The following PIK3AP1 variants were observed in gnomAD, a reference collection of about 807,000 sequenced individuals.
The protein encoded by PIK3AP1 is phosphoinositide-3-kinase adaptor protein 1, also known as phosphoinositide 3-kinase adapter protein 1.
In PIK3AP1, 21 loss-of-function variants were observed where a neutral mutation model predicts 88.1. That is an observed-to-expected ratio of 0.24 (90% CI 0.17 to 0.34). PIK3AP1 has a LOEUF of 0.34. PIK3AP1 is among the 10% of genes least tolerant of loss of function. The pLI, the probability that PIK3AP1 is intolerant of heterozygous loss-of-function variation, is 1.00. For synonymous variants in PIK3AP1, 398 were observed against 400.0 expected (o/e 1.00, Z 0.06); for missense variants, 828 against 1,035.7 (o/e 0.80, Z 2.75).
chr10:96,612,988 T>A (rs879399326), intron 13 of PIK3AP1, among the ~76,000 whole-genome samples: 17 of 36,118 alleles, frequency 4.7e-4, no homozygotes, highest in African/African-American at 1.8e-3. Flanking sequence ...ATATATTTTT[T>A]TTTTTTTTTT....
chr10:96,654,826 A>G (rs976112704), intron 3 of PIK3AP1, among the ~76,000 whole-genome samples: 27 of 152,196 alleles, frequency 1.8e-4, no homozygotes, highest in African/African-American at 6.5e-4. Context: ...GAAAGCAGAA[A>G]GTGGCATGGG....
intron 1 of PIK3AP1, among the ~76,000 whole-genome samples, chr10:96,710,262 A>T (rs1844422680): frequency 6.6e-6 from 1 of 151,734 alleles, no homozygotes; most frequent in South Asian, 2.1e-4. Context: ...TCGCTCTATC[A>T]CCCAGGCTGG....
chr10:96,619,624 G>A (rs1167622708), intron 12 of PIK3AP1: 1 of 152,232 alleles, frequency 6.6e-6, no homozygotes, highest in East Asian at 1.9e-4. Flanking sequence ...CTAAGGTTAA[G>A]TTTGAGTTCT....
chr10:96,611,057 C>A (rs748019318), intron 13 of PIK3AP1, among the ~76,000 whole-genome samples: 2 of 152,188 alleles, frequency 1.3e-5, no homozygotes, highest in African/African-American at 2.4e-5. Flanking sequence ...GTGGCTCCAC[C>A]TACCAAAGCC....
At chr10:96,663,649 A>G (rs1466570803) in intron 2 of PIK3AP1, among the ~76,000 whole-genome samples, 1 of 150,668 alleles carries the variant, frequency 6.6e-6, no homozygotes, top group African/African-American at 2.4e-5. Context: ...AAAAAAAAAA[A>G]AAAAAGAAAC....
chr10:96,632,980 A>C (rs1200025411), intron 8 of PIK3AP1: 1 of 1,612,838 alleles, frequency 6.2e-7, no homozygotes, highest in East Asian at 2.2e-5. Context: ...TCTTCCTTTG[A>C]GCCAGTCCTT....
chr10:96,717,009 C>T (rs1844510679), intron 1 of PIK3AP1, among the ~76,000 whole-genome samples: 1 of 152,036 alleles, frequency 6.6e-6, no homozygotes, highest in African/African-American at 2.4e-5. Context: ...CACCTGTAAT[C>T]CCAGCACTTT....
chr10:96,668,089 C>T (rs560950831), intron 2 of PIK3AP1, among the ~76,000 whole-genome samples: 8 of 152,102 alleles, frequency 5.3e-5, no homozygotes, highest in African/African-American at 1.2e-4. Flanking sequence ...AATAGCACAA[C>T]GAAAAAATTT....
rs193285923 is a variant in PIK3AP1 at position 96,693,209 on chromosome 10, C to T, written c.430+16358G>A. Among the ~76,000 whole-genome samples the T allele has an allele frequency of 3.5e-3, 532 of 152,304 alleles. 1 individual carries two copies. Among genetic ancestry groups the T allele is most frequent in the Middle Eastern group, 0.01 (3 of 294 alleles). ...ACATTCATTCTATTCAGTCGTTCAA[C>T]AATTTATTGAGGGCCTGCCATGTCA... On this transcript the variant is annotated intron_variant, in intron 2 of 16. Coordinates refer to ENST00000339364, the MANE Select transcript of PIK3AP1 (RefSeq NM_152309.3).
intron 2 of PIK3AP1, chr10:96,700,759 C>T: frequency 1.1e-6 from 1 of 950,950 alleles, no homozygotes; most frequent in Non-Finnish European, 1.3e-6. Context: ...TCCCCTCAGT[C>T]CTGCAAAGTG....
intron 2 of PIK3AP1, among the ~76,000 whole-genome samples, chr10:96,680,870 G>T (rs2134263097): frequency 6.6e-6 from 1 of 152,280 alleles, no homozygotes; most frequent in South Asian, 2.1e-4. Flanking sequence ...GGACCTAAAA[G>T]CAGAACTCAG....
chr10:96,606,920 C>T (rs1259121464), intron 14 of PIK3AP1, among the ~76,000 whole-genome samples: 3 of 152,176 alleles, frequency 2.0e-5, no homozygotes, highest in African/African-American at 7.2e-5. Context: ...ACACTTGAAA[C>T]TAGCGTCTGT....
intron 2 of PIK3AP1, among the ~76,000 whole-genome samples, chr10:96,666,688 C>T (rs1217334703): frequency 6.6e-6 from 1 of 151,896 alleles, no homozygotes; most frequent in African/African-American, 2.4e-5. Flanking sequence ...GATCAAAGTT[C>T]CCATTTGTTA....
chr10:96,614,950 G>A (rs1270030904), intron 13 of PIK3AP1, among the ~76,000 whole-genome samples: 3 of 152,204 alleles, frequency 2.0e-5, no homozygotes, highest in South Asian at 2.1e-4. Context: ...AACCAAAGAT[G>A]ATTCCAGTCT....
At chr10:96,652,295 C>T (rs928874270) in intron 4 of PIK3AP1, among the ~76,000 whole-genome samples, 19 of 152,172 alleles carry the variant, frequency 1.2e-4, no homozygotes, top group African/African-American at 4.3e-4. Context: ...ATCAAAGTAG[C>T]TGGGTGCCGT....
chr10:96,619,871 G>A lies in PIK3AP1; in HGVS notation c.1941+481C>T, dbSNP rs1010758689. 3.3e-5 allele frequency among the ~76,000 whole-genome samples: 5 copies of A among 152,336 alleles called. 1 individual carries two copies. The South Asian group carries it at 1.0e-3, about 32-fold the overall frequency. On this transcript the variant is annotated intron_variant, in intron 12 of 16. Coordinates refer to ENST00000339364, the MANE Select transcript of PIK3AP1 (RefSeq NM_152309.3). ...AGAAATACAGAGTTTGTGTGTGGACGTGTCTGAGTTGTTTTAATTTGGGTG... is the reference window on the plus strand; with the variant it reads ...AGAAATACAGAGTTTGTGTGTGGACATGTCTGAGTTGTTTTAATTTGGGTG...
intron 16 of PIK3AP1, among the ~76,000 whole-genome samples, chr10:96,601,537 C>T (rs1848895594): frequency 6.8e-6 from 1 of 146,790 alleles, no homozygotes; most frequent in African/African-American, 2.5e-5. Flanking sequence ...TGCAAGTTTG[C>T]AAATAGCTGC....
chr10:96,611,936 T>C (rs1413077354), intron 13 of PIK3AP1, among the ~76,000 whole-genome samples: 2 of 152,238 alleles, frequency 1.3e-5, no homozygotes, highest in Admixed American at 1.3e-4. Flanking sequence ...TATAAAATCC[T>C]GATATTCTTT....
At chr10:96,706,182 C>T (rs1373642111) in intron 2 of PIK3AP1, among the ~76,000 whole-genome samples, 5 of 152,062 alleles carry the variant, frequency 3.3e-5, no homozygotes, top group South Asian at 4.1e-4. Context: ...CGTGAGCCAC[C>T]GCTCCCGGCC....
Sources: gnomAD v4.1 joint callset for allele counts (sites outside exome capture counted in the v4.1 genomes callset) on GRCh38, gnomAD v4.1.1 for gene constraint, MANE v1.5 for transcripts, NCBI Gene and HGNC (gene_info 2026-07-23, HGNC 2026-07-21) for gene names.